The following ANKRD30BL variants were observed in gnomAD, a reference collection of about 807,000 sequenced individuals.
ANKRD30BL encodes putative ankyrin repeat domain-containing protein 30B-like.
Under a neutral mutation model 18.4 loss-of-function variants are expected in ANKRD30BL, and 20 were observed. The ratio of observed to expected loss-of-function variants is 1.09; its 90% CI spans 0.77 to 1.58. ANKRD30BL has a LOEUF of 1.58. Ranked by LOEUF, ANKRD30BL falls within the 40% of genes most tolerant of loss-of-function variation. The pLI is 0.00. For missense variants in ANKRD30BL, 224 were observed against 268.6 expected (o/e 0.83, Z 1.16); for synonymous variants, 72 against 100.9 (o/e 0.71, Z 1.72).
intron 1 of ANKRD30BL, among the ~76,000 whole-genome samples, chr2:132,246,966 A>G (rs1680517005): frequency 6.6e-6 from 1 of 152,108 alleles, no homozygotes; most frequent in Admixed American, 6.6e-5. Flanking sequence ...TTTCATTGGA[A>G]ACGGGAACAT....
At position 132,245,861 on chromosome 2, in the gene ANKRD30BL, A is replaced by G. The variant is rs886789983; in HGVS notation, n.441+11668T>C. Among the ~76,000 whole-genome samples the G allele has an allele frequency of 4.6e-5, 7 of 151,270 alleles. No individual in the cohort carries two copies. In the East Asian group the frequency reaches 7.9e-4, roughly 17 times the overall value. On this transcript the variant is annotated intron_variant and non_coding_transcript_variant, in intron 1 of 4. Transcript: ENST00000470729. ...TTGCATTCATCTCCTAGAATTCAAC[A>G]TTCTCTTTTATAGAGCAATTGGAAA... is the stretch of plus-strand genomic sequence containing the variant.
upstream of ANKRD30BL, among the ~76,000 whole-genome samples, chr2:132,165,448 C>A (rs1324649380): frequency 6.6e-6 from 1 of 151,648 alleles, no homozygotes. Context: ...AATCCTAGCA[C>A]TTTGGGAGGC....
intron 1 of ANKRD30BL, among the ~76,000 whole-genome samples, chr2:132,256,417 G>A (rs1680839367): frequency 6.6e-6 from 1 of 152,194 alleles, no homozygotes; most frequent in African/African-American, 2.4e-5. Context: ...TGTGCGAGGA[G>A]GCCGACCGCC....
chr2:132,211,228 C>T (rs62164427), intron 1 of ANKRD30BL, among the ~76,000 whole-genome samples: 10 of 151,304 alleles, frequency 6.6e-5, no homozygotes, highest in African/African-American at 2.4e-4. Flanking sequence ...AATACCTTCA[C>T]ATAAAAACTA....
intron 1 of ANKRD30BL, among the ~76,000 whole-genome samples, chr2:132,237,010 T>C (rs573495637): frequency 2.8e-4 from 43 of 151,374 alleles, no homozygotes; most frequent in Non-Finnish European, 5.5e-4. Context: ...TCATTCTCAG[T>C]AAACTATCGC....
chr2:132,214,652 T>G (rs1210486271), intron 1 of ANKRD30BL, among the ~76,000 whole-genome samples: 1 of 151,852 alleles, frequency 6.6e-6, no homozygotes, highest in Non-Finnish European at 1.5e-5. Flanking sequence ...TTGAGGCATA[T>G]GGTGGAAAAG....
chr2:132,183,751 G>T (rs1688516401), intron 1 of ANKRD30BL, among the ~76,000 whole-genome samples: 1 of 152,112 alleles, frequency 6.6e-6, no homozygotes, highest in African/African-American at 2.4e-5. Flanking sequence ...ATATGTATAT[G>T]TGTGTATATG....
At chr2:132,250,952 GC>G (rs1173192969) in intron 1 of ANKRD30BL, among the ~76,000 whole-genome samples, 2 of 152,032 alleles carry the variant, frequency 1.3e-5, no homozygotes, top group Non-Finnish European at 2.9e-5. Flanking sequence ...AACACTATTG[GC>G]CTTGGCAATC....
chr2:132,164,085 G>C (rs866578029), upstream of ANKRD30BL, among the ~76,000 whole-genome samples: 6 of 151,940 alleles, frequency 3.9e-5, 1 homozygote, highest in Middle Eastern at 0.02. Context: ...GAGAAACCAG[G>C]CTCCTGTCAT....
At chr2:132,243,797 C>A (rs1573886245) in intron 1 of ANKRD30BL, among the ~76,000 whole-genome samples, 1 of 152,178 alleles carries the variant, frequency 6.6e-6, no homozygotes, top group Admixed American at 6.6e-5. Context: ...ATTCAACTCA[C>A]AGAGTTGAAC....
intron 1 of ANKRD30BL, among the ~76,000 whole-genome samples, chr2:132,244,537 G>C (rs576511625): frequency 3.5e-4 from 54 of 152,210 alleles, no homozygotes; most frequent in African/African-American, 1.3e-3. Context: ...TGTAGAATCT[G>C]TAAATGGAAA....
At chr2:132,247,151 C>G (rs1251256735) in intron 1 of ANKRD30BL, among the ~76,000 whole-genome samples, 1 of 151,376 alleles carries the variant, frequency 6.6e-6, no homozygotes, top group Admixed American at 6.6e-5. Flanking sequence ...GAAATATTTT[C>G]ACATAAAAAC....
intron 1 of ANKRD30BL, among the ~76,000 whole-genome samples, chr2:132,229,173 C>G (rs1179188130): frequency 6.6e-6 from 1 of 151,240 alleles, no homozygotes; most frequent in East Asian, 2.0e-4. Context: ...CATTCAACCC[C>G]CAGATTTGAC....
intron 1 of ANKRD30BL, among the ~76,000 whole-genome samples, chr2:132,219,222 G>A (rs1210934504): frequency 6.6e-6 from 1 of 151,564 alleles, no homozygotes; most frequent in African/African-American, 2.4e-5. Flanking sequence ...TGGACATACT[G>A]TATCATAGAG....
chr2:132,159,129 A>T (rs1258561161), intron 1 of ANKRD30BL, among the ~76,000 whole-genome samples: 2 of 152,068 alleles, frequency 1.3e-5, no homozygotes, highest in Non-Finnish European at 2.9e-5. Context: ...AGATAACACA[A>T]GACTGTAGTC....
chr2:132,220,286 C>G (rs961791066), intron 1 of ANKRD30BL, among the ~76,000 whole-genome samples: 45 of 146,574 alleles, frequency 3.1e-4, no homozygotes, highest in African/African-American at 1.0e-3. Flanking sequence ...TTTGGCCTCT[C>G]CCTCTCCCTC....
At chr2:132,209,737 C>T (rs1679293890) in intron 1 of ANKRD30BL, among the ~76,000 whole-genome samples, 1 of 152,092 alleles carries the variant, frequency 6.6e-6, no homozygotes, top group African/African-American at 2.4e-5. Flanking sequence ...GTGATGTGTG[C>T]ATTCAACTCA....
At chr2:132,256,280 G>A (rs969547461) in intron 1 of ANKRD30BL, among the ~76,000 whole-genome samples, 1 of 150,458 alleles carries the variant, frequency 6.6e-6, no homozygotes, top group Non-Finnish European at 1.5e-5. Context: ...GCGATGGGGC[G>A]TGGGGGAGGG....
intron 1 of ANKRD30BL, among the ~76,000 whole-genome samples, chr2:132,195,903 A>G (rs1487435867): frequency 6.6e-6 from 1 of 151,406 alleles, no homozygotes; most frequent in East Asian, 1.9e-4. Context: ...GCACTTTGGG[A>G]GGACCAGTTG....
Sources: allele counts gnomAD v4.1 joint callset (sites outside exome capture counted in the v4.1 genomes callset), GRCh38; gene constraint gnomAD v4.1.1; transcripts MANE v1.5; gene names NCBI Gene and HGNC (gene_info 2026-07-23, HGNC 2026-07-21).